The following SYNE1 variants were observed in gnomAD, a reference collection of about 807,000 sequenced individuals.
The protein encoded by SYNE1 is nesprin-1.
A neutral mutation model predicts 1,111.0 loss-of-function variants in SYNE1; 616 were observed. The observed-to-expected ratio is 0.55, with a 90% CI of 0.52 to 0.59. The LOEUF (loss-of-function observed/expected upper bound fraction) is 0.59. SYNE1 is among the 20% of genes least tolerant of loss of function. The pLI is 0.00. For missense variants in SYNE1, 10,006 were observed against 10,417.0 expected, an observed-to-expected ratio of 0.96 and a Z score of 1.72; for synonymous variants, 3,855 against 3,825.8, an observed-to-expected ratio of 1.01 and a Z score of -0.28.
chr6:152,623,747 G>A (rs2099680470), intron 3 of SYNE1, among the ~76,000 whole-genome samples: 1 of 151,998 alleles, frequency 6.6e-6, no homozygotes, highest in African/African-American at 2.4e-5. Flanking sequence ...TATACATGCG[G>A]CCAACAATAA....
chr6:152,318,312 T>C (rs1419713368), intron 85 of SYNE1, 49 bp from the exon 86 acceptor site: 1 of 1,604,252 alleles, frequency 6.2e-7, no homozygotes. Context: ...AAAATAAATT[T>C]CTCCAGGTTT....
chr6:152,420,669 G>A (rs551098611), intron 39 of SYNE1, among the ~76,000 whole-genome samples: 1 of 152,134 alleles, frequency 6.6e-6, no homozygotes, highest in Non-Finnish European at 1.5e-5. Flanking sequence ...CGTGAGATTT[G>A]CTAACCCAAC....
chr6:152,597,265 C>T (rs576416108), intron 3 of SYNE1, among the ~76,000 whole-genome samples: 3 of 152,218 alleles, frequency 2.0e-5, no homozygotes, highest in African/African-American at 7.2e-5. Context: ...AAAGCACTTT[C>T]CTGTTTGCCT....
intron 133 of SYNE1, 113 bp downstream of exon 133, chr6:152,154,779 C>A (rs1180191569): frequency 2.7e-5 from 33 of 1,221,838 alleles, no homozygotes; most frequent in Non-Finnish European, 3.6e-5. Flanking sequence ...CCTCACGCAG[C>A]AATTTGAGCA....
Position 152,148,264 on chromosome 6 carries a change from G to T in SYNE1, c.24757C>A (p.Pro8253Thr), listed in dbSNP as rs952705892. ...RSADSLLSPQ[P>T]SSNLSLSLAQ... ...AGCGAGAGGGAGAGATTGGAGGAAG[G>T]CTGTGGAGAAAGCAGGCTGTCTGCA... Residue 8253 changes from proline (P) to threonine (T), a missense_variant, in exon 137 of 146, where the codon CCT (proline) becomes ACT (threonine). This residue lies in a region of SYNE1 where 761 missense variants were observed against 795.5 expected (regional missense o/e 0.96). Coordinates refer to ENST00000367255, the MANE Select transcript of SYNE1 (RefSeq NM_182961.4). This position sits in a 1 kb window ranked among gnomAD's most constrained non-coding sequence, Gnocchi z 4.1. The T allele has an allele frequency of 1.9e-6, 3 of 1,613,564 alleles. No homozygotes were observed. The highest frequency in any genetic ancestry group is 1.7e-5 in the Admixed American group (1 of 60,000).
intron 130 of SYNE1, chr6:152,167,905 T>C: frequency 1.3e-6 from 1 of 758,810 alleles, no homozygotes; most frequent in Admixed American, 1.7e-5. Flanking sequence ...AACCTTTTTG[T>C]CCAGCTCTGC....
intron 140 of SYNE1, among the ~76,000 whole-genome samples, chr6:152,139,658 G>C (rs1282169267): frequency 7.5e-6 from 1 of 133,964 alleles, no homozygotes; most frequent in African/African-American, 2.9e-5. Flanking sequence ...AGAAAAAAAA[G>C]AAGGAAGGAA....
At chr6:152,211,348 G>A (rs933247662) in intron 124 of SYNE1, 146 bp downstream of exon 124, 2 of 684,752 alleles carry the variant, frequency 2.9e-6, no homozygotes, top group Admixed American at 4.8e-5. Flanking sequence ...CAGAGATTGA[G>A]ACAAGTTTCT....
At chr6:152,282,916 T>C (rs1159848533) in intron 96 of SYNE1, among the ~76,000 whole-genome samples, 1 of 152,022 alleles carries the variant, frequency 6.6e-6, no homozygotes, top group Non-Finnish European at 1.5e-5. Flanking sequence ...AGCAACAGGG[T>C]CATGGTTAAT....
intron 39 of SYNE1, among the ~76,000 whole-genome samples, chr6:152,425,080 C>T (rs2098331626): frequency 6.6e-6 from 1 of 152,096 alleles, no homozygotes; most frequent in Non-Finnish European, 1.5e-5. Flanking sequence ...CATTTTTTTC[C>T]TATACAAAAA....
rs1461747556 is a variant in SYNE1, at chr6:152,283,441, A to T, written c.18207+537T>A. ...TTGCTTTCCACATTCTCAATATTTC[A>T]CGCCTGAAATGAGTCAGAAAGGAGT... On this transcript the variant is annotated intron_variant, in intron 96 of 145. Coordinates refer to ENST00000367255, the MANE Select transcript of SYNE1 (RefSeq NM_182961.4). Among the ~76,000 whole-genome samples the T allele has an allele frequency of 2.0e-5, 3 of 152,216 alleles. No individual in the cohort carries two copies. The South Asian group carries it at 6.2e-4, about 32-fold the overall frequency.
Position 152,128,179 on chromosome 6 carries a change from C to T in SYNE1, c.26153+2541G>A, listed in dbSNP as rs569335578. The T allele has an allele frequency of 3.3e-5, 5 of 152,228 alleles. 1 individual carries two copies. The East Asian group carries it at 5.8e-4, about 18-fold the overall frequency. The allele number at this position is 152,228 out of a possible 1,614,324, so 9.4% of individuals were successfully genotyped here. ...TAAGGTTAGAAAATTTTAAGTCAAA[C>T]GTAGGGAAAAAGTACCAGCTAGACC... On this transcript the variant is annotated intron_variant, in intron 145 of 145. Coordinates refer to ENST00000367255, the MANE Select transcript of SYNE1 (RefSeq NM_182961.4).
At chr6:152,615,885 C>T (rs1004567477) in intron 3 of SYNE1, among the ~76,000 whole-genome samples, 20 of 152,184 alleles carry the variant, frequency 1.3e-4, no homozygotes, top group Admixed American at 1.3e-3. Context: ...TACATCTTCA[C>T]TGAATAAGAC....
intron 3 of SYNE1, among the ~76,000 whole-genome samples, chr6:152,570,573 C>A (rs915446158): frequency 6.6e-6 from 1 of 152,156 alleles, no homozygotes; most frequent in African/African-American, 2.4e-5. Flanking sequence ...GCTGAGGCCA[C>A]GTTGGATCTC....
chr6:152,315,876 A>G (rs2095704620), intron 87 of SYNE1: 1 of 152,234 alleles, frequency 6.6e-6, no homozygotes, highest in East Asian at 1.9e-4. Context: ...AAGCTGTTAA[A>G]GCATTCCAAA....
chr6:152,198,221 T>C (rs1044193689), intron 127 of SYNE1, among the ~76,000 whole-genome samples: 3 of 152,216 alleles, frequency 2.0e-5, no homozygotes, highest in Non-Finnish European at 1.5e-5. Context: ...GTTTGTTTCC[T>C]TAAAACTCAT....
chr6:152,499,511 G>A (rs1372479452), intron 10 of SYNE1, among the ~76,000 whole-genome samples: 1 of 152,010 alleles, frequency 6.6e-6, no homozygotes, highest in Middle Eastern at 3.2e-3. Flanking sequence ...ATATGTTCAT[G>A]CCAAGAATTT....
chr6:152,250,938 C>A (rs2088999953), intron 104 of SYNE1, among the ~76,000 whole-genome samples: 1 of 151,964 alleles, frequency 6.6e-6, no homozygotes, highest in Admixed American at 6.6e-5. Flanking sequence ...TTCCTGTATG[C>A]CAGTTTTATG....
At chr6:152,308,085 C>T (rs1378147112) in intron 91 of SYNE1, among the ~76,000 whole-genome samples, 2 of 152,144 alleles carry the variant, frequency 1.3e-5, no homozygotes, top group Admixed American at 1.3e-4. Flanking sequence ...CCCATCTTGG[C>T]CTCCCAAAGT....
Sources: gnomAD v4.1 joint callset for allele counts (sites outside exome capture counted in the v4.1 genomes callset) on GRCh38, gnomAD v4.1.1 for gene constraint, gnomAD v4.1.1 regional missense constraint, Gnocchi (gnomAD v3.1) non-coding constraint, MANE v1.5 for transcripts, NCBI Gene and HGNC (gene_info 2026-07-23, HGNC 2026-07-21) for gene names.